Variants in GPR135 observed in about 807,000 individuals in gnomAD.
GPR135 encodes G protein-coupled receptor 135.
A neutral mutation model predicts 15.0 loss-of-function variants in GPR135; 17 were observed. That is an observed-to-expected ratio of 1.13 (90% CI 0.78 to 1.70). The LOEUF is 1.70. GPR135 is among the 40% of genes most tolerant of loss of function. GPR135 has a pLI of 0.00. For missense variants in GPR135, 776 were observed against 727.0 expected (o/e 1.07, Z -0.78); for synonymous variants, 368 against 349.4 (o/e 1.05, Z -0.59).
chr14:59,464,717 AC>A lies in GPR135; in HGVS notation c.509del (p.Gly170ValfsTer66), dbSNP rs762264556. 5.1e-6 allele frequency: 8 copies of A among 1,565,466 alleles called. No homozygotes were observed. Among genetic ancestry groups the A allele is most frequent in the Non-Finnish European group, 6.9e-6 (8 of 1,157,774 alleles). The part of the protein sequence containing the change: ...AFLDLFTPPG[G>X]SAPAAAAGPW... ...GCCCCGCGGCGGCGGCAGGCGCCGA[AC>A]CCCCGGGCGGAGTGAAGAGGTCCAG... On this transcript the variant is annotated frameshift_variant, in exon 1 of 1. Transcript: ENST00000395116. LOFTEE classifies it high-confidence loss of function.
Position 59,464,492 on chromosome 14 carries a change from C to T in GPR135, c.735G>A (p.Glu245=). Residue 245 remains glutamate (E), a synonymous_variant, in exon 1 of 1, where the codon GAG becomes GAA. Transcript: ENST00000395116. ...CGAGTTCCCGGGGCGCCCCGAGCAG[C>T]TCCCAGGGCAAGGAGAAGCCCAGGG... ...LTALGFSLPW[E]LLGAPRELAA... 5 of 1,542,220 alleles carry T rather than the reference C, an allele frequency of 3.2e-6. No homozygotes were observed. The highest frequency in any genetic ancestry group is 4.3e-6 in the Non-Finnish European group (5 of 1,150,414).
chr14:59,456,705 T>C (rs573281870), downstream of GPR135, among the ~76,000 whole-genome samples: 1 of 152,298 alleles, frequency 6.6e-6, no homozygotes, highest in East Asian at 1.9e-4. Flanking sequence ...TTTCCAATAG[T>C]ATAAAATTAG....
downstream of GPR135, among the ~76,000 whole-genome samples, chr14:59,458,693 T>TCAG (rs1888749828): frequency 6.6e-6 from 1 of 152,138 alleles, no homozygotes; most frequent in South Asian, 2.1e-4. Context: ...TCTGGTCTTC[T>TCAG]CAGCTTGCCC....
chr14:59,462,552 G>T lies in GPR135; in HGVS notation c.*1190C>A, dbSNP rs1045287365. ...TCCCTTTAATAAATACATTATCTTCGACAAGTCATAGCTATAAAGCAACCA... is the reference window on the plus strand; with the variant it reads ...TCCCTTTAATAAATACATTATCTTCTACAAGTCATAGCTATAAAGCAACCA... On this transcript the variant is annotated 3_prime_UTR_variant, in exon 1 of 1. Coordinates refer to ENST00000395116, the MANE Select transcript of GPR135 (RefSeq NM_022571.6). 6.6e-6 allele frequency: 1 copy of T among 151,798 alleles called. No individual in the cohort carries two copies. The highest frequency in any genetic ancestry group is 2.4e-5 in the African/African-American group (1 of 41,274). The allele number at this position is 151,798 out of a possible 1,614,324, so 9.4% of individuals were successfully genotyped here.
At position 59,464,371 on chromosome 14, in the gene GPR135, A is replaced by C. The variant is rs756608484; in HGVS notation, c.856T>G (p.Tyr286Asp). 1 of 1,607,004 alleles carries C rather than the reference A, an allele frequency of 6.2e-7. No individual in the cohort carries two copies. Among genetic ancestry groups the C allele is most frequent in the Non-Finnish European group, 8.5e-7 (1 of 1,177,318 alleles). ...CACATGAGCAGGAAGGGCAGCAGGT[A>C]GCAGGCCACCACCAGCCCCACGCTG... ...AFSVGLVVAC[Y>D]LLPFLLMCFC... is the part of the protein sequence containing the mutation. Residue 286 changes from tyrosine to aspartate, a missense_variant, in exon 1 of 1, where the codon TAC becomes GAC. Tyr to Asp is a radical substitution (Grantham distance 160). Transcript: ENST00000395116.
downstream of GPR135, among the ~76,000 whole-genome samples, chr14:59,460,037 T>A (rs79775444): frequency 4.2e-3 from 634 of 152,302 alleles, 4 homozygotes; most frequent in Non-Finnish European, 7.2e-3. Flanking sequence ...CCAAAAGTCA[T>A]ATTCCAAGAG....
At chr14:59,453,196 GA>G in intron 6 of GPR135, among the ~76,000 whole-genome samples, 1 of 152,244 alleles carries the variant, frequency 6.6e-6, no homozygotes, top group South Asian at 2.1e-4. Flanking sequence ...TGTACAACAC[GA>G]AGAGTGAATG....
chr14:59,458,826 A>C (rs1182736257), downstream of GPR135: 1 of 152,272 alleles, frequency 6.6e-6, no homozygotes, highest in Non-Finnish European at 1.5e-5. Flanking sequence ...AGGTAGAAGA[A>C]GACAACCCCC....
chr14:59,463,989 G>C lies in GPR135; in HGVS notation c.1238C>G (p.Ala413Gly). 1 of 1,614,058 alleles carries C rather than the reference G, an allele frequency of 6.2e-7. No individual in the cohort carries two copies. The highest frequency in any genetic ancestry group is 1.1e-5 in the South Asian group (1 of 91,092). ...EEGYRTRNVD[A>G]FLPSQGPGLQ... is the part of the protein sequence containing the mutation. ...ACCCGGGCCCTGGCTGGGCAGGAAA[G>C]CGTCCACATTCCTAGTCCGGTAGCC... Residue 413 changes from alanine to glycine, a missense_variant, in exon 1 of 1, where the codon GCT becomes GGT. Coordinates refer to ENST00000395116, the MANE Select transcript of GPR135 (RefSeq NM_022571.6).
intron 6 of GPR135, among the ~76,000 whole-genome samples, chr14:59,453,935 G>A (rs1464007218): frequency 2.0e-5 from 3 of 152,098 alleles, no homozygotes; most frequent in South Asian, 2.1e-4. Flanking sequence ...AGTGGTTAGC[G>A]GAAAACCAAG....
chr14:59,457,332 T>G (rs777641892), downstream of GPR135, among the ~76,000 whole-genome samples: 15 of 152,188 alleles, frequency 9.9e-5, 1 homozygote, highest in Non-Finnish European at 1.9e-4. Context: ...CTTCAGTTTC[T>G]TGGATGTGTG....
intron 6 of GPR135, among the ~76,000 whole-genome samples, chr14:59,455,114 CA>C (rs1436002245): frequency 6.6e-6 from 1 of 151,332 alleles, no homozygotes; most frequent in Non-Finnish European, 1.5e-5. Flanking sequence ...AAAAAAAAAT[CA>C]AGGAGAATTT....
Position 59,462,514 on chromosome 14 carries a change from C to A in GPR135, c.*1228G>T, listed in dbSNP as rs1888903939. On this transcript the variant is annotated 3_prime_UTR_variant, in exon 1 of 1. Transcript: ENST00000395116. ...GTGTTTTAATACCGTTACATATAGT[C>A]CCACACCTATTCTCCCTTTAATAAA... is the stretch of plus-strand genomic sequence containing the variant. 1 of 152,156 alleles carries A rather than the reference C, an allele frequency of 6.6e-6. No homozygotes were observed. The highest frequency in any genetic ancestry group is 1.5e-5 in the Non-Finnish European group (1 of 68,018). 9.4% of individuals were successfully genotyped at this position (152,156 alleles called of 1,614,324 possible).
chr14:59,458,206 T>C (rs1027457739), downstream of GPR135, among the ~76,000 whole-genome samples: 1 of 152,216 alleles, frequency 6.6e-6, no homozygotes, highest in Admixed American at 6.5e-5. Context: ...CTGCCTCTTT[T>C]CCTGATCACT....
chr14:59,456,310 A>T (rs1888652174), downstream of GPR135: 1 of 152,222 alleles, frequency 6.6e-6, no homozygotes, highest in African/African-American at 2.4e-5. Flanking sequence ...TTGAAGGGAG[A>T]AGTATCAAAG....
chr14:59,457,561 G>T (rs1348157142), downstream of GPR135, among the ~76,000 whole-genome samples: 2 of 151,994 alleles, frequency 1.3e-5, no homozygotes, highest in Non-Finnish European at 1.5e-5. Context: ...CTATATTCAA[G>T]TTTGCTAATT....
chr14:59,463,985 G>A lies in GPR135; in HGVS notation c.1242C>T (p.Phe414=), dbSNP rs1391451600. 41 of 1,614,044 alleles carry A rather than the reference G, an allele frequency of 2.5e-5. No individual in the cohort carries two copies. Among genetic ancestry groups the A allele is most frequent in the Non-Finnish European group, 3.1e-5 (37 of 1,180,038 alleles). ...GCAGACCCGGGCCCTGGCTGGGCAGGAAAGCGTCCACATTCCTAGTCCGGT... is the reference window on the plus strand; with the variant it reads ...GCAGACCCGGGCCCTGGCTGGGCAGAAAAGCGTCCACATTCCTAGTCCGGT... ...EGYRTRNVDA[F]LPSQGPGLQA... The change falls in exon 1 of 1, where the codon TTC becomes TTT. Residue 414 remains phenylalanine, a synonymous_variant. Transcript: ENST00000395116.
chr14:59,461,704 C>T lies in GPR135; in HGVS notation c.*2038G>A, dbSNP rs1221676829. ...AGGCAACACACTATTTTGCAACACG[C>T]TCACCTCCTTACTCTAAGATCTCTA... On this transcript the variant is annotated 3_prime_UTR_variant, in exon 1 of 1. Coordinates refer to ENST00000395116, the MANE Select transcript of GPR135 (RefSeq NM_022571.6). 6.6e-6 allele frequency: 1 copy of T among 152,226 alleles called. No homozygotes were observed. The highest frequency in any genetic ancestry group is 2.4e-5 in the African/African-American group (1 of 41,450). 9.4% of individuals were successfully genotyped at this position (152,226 alleles called of 1,614,324 possible).
rs1888995888 is a variant in GPR135, at chr14:59,464,229, A to G, written c.998T>C (p.Val333Ala). ...FFSEVRTATT[V>A]LIMIVFVICC... ...GATGACGAAGACGATCATGATGAGG[A>G]CGGTGGTGGCCGTGCGCACCTCGCT... Residue 333 changes from valine (V) to alanine (A), a missense_variant, in exon 1 of 1, where the codon GTC (valine) becomes GCC (alanine). Coordinates refer to ENST00000395116, the MANE Select transcript of GPR135 (RefSeq NM_022571.6). 5.6e-6 allele frequency: 9 copies of G among 1,611,472 alleles called. 1 individual carries two copies. In the Admixed American group the frequency reaches 1.2e-4, roughly 21 times the overall value.
Sources: allele counts gnomAD v4.1 joint callset (sites outside exome capture counted in the v4.1 genomes callset), GRCh38; gene constraint gnomAD v4.1.1; transcripts MANE v1.5; gene names NCBI Gene and HGNC (gene_info 2026-07-23, HGNC 2026-07-21).